AGK: variants seen among roughly 807,000 people sequenced by gnomAD.
The protein encoded by AGK is acylglycerol kinase, mitochondrial.
Under a neutral mutation model 66.4 loss-of-function variants are expected in AGK, and 52 were observed. That is an observed-to-expected ratio of 0.78 (90% confidence interval 0.63 to 0.99). The LOEUF (loss-of-function observed/expected upper bound fraction) is 0.99, where lower values mean the gene tolerates loss of function less well. Among genes scored for constraint, AGK ranks in the 50% least tolerant of loss-of-function variants. The pLI is 0.00. For synonymous variants in AGK, 182 were observed against 181.1 expected (o/e 1.00, Z -0.04); for missense variants, 451 against 506.6 (o/e 0.89, Z 1.05).
At chr7:141,633,842 T>G (rs1478513398) in intron 9 of AGK, 59 bp from the exon 10 acceptor site, 1 of 1,419,900 alleles carries the variant, frequency 7.0e-7, no homozygotes, top group Middle Eastern at 1.8e-4. Context: ...AGTACTTAGA[T>G]GTAAAGAGTT....
At chr7:141,647,322 C>T (rs1797436184) in intron 13 of AGK, among the ~76,000 whole-genome samples, 1 of 152,200 alleles carries the variant, frequency 6.6e-6, no homozygotes, top group South Asian at 2.1e-4. Flanking sequence ...AGCCTAAAAG[C>T]CAGCTTCCTC....
chr7:141,560,395 GT>G, intron 2 of AGK, among the ~76,000 whole-genome samples: 1 of 151,148 alleles, frequency 6.6e-6, no homozygotes, highest in African/African-American at 2.4e-5. Context: ...AAGCTGCCTT[GT>G]CCTTTCTTTC....
intron 4 of AGK, among the ~76,000 whole-genome samples, chr7:141,597,928 A>G (rs1796263207): frequency 6.6e-6 from 1 of 150,406 alleles, no homozygotes; most frequent in African/African-American, 2.4e-5. Context: ...AAGAAAGAAG[A>G]AAGAAAATTA....
intron 9 of AGK, among the ~76,000 whole-genome samples, chr7:141,629,808 CAGGGTT>C (rs1797018567): frequency 6.6e-6 from 1 of 151,780 alleles, no homozygotes; most frequent in African/African-American, 2.4e-5. Context: ...AAAGAGAAAA[CAGGGTT>C]AGAGGATCAG....
chr7:141,558,611 G>T lies in AGK; in HGVS notation c.101+3044G>T, dbSNP rs1413234646. The stretch of plus-strand genomic sequence containing the variant: ...CTTGAGTGTACAGATACCTCTTGGA[G>T]ATCCTGTTTTTAATTATTTTGGATA... On this transcript the variant is annotated intron_variant, in intron 2 of 15. Coordinates refer to ENST00000649286, the MANE Select transcript of AGK (RefSeq NM_018238.4). 5.3e-5 allele frequency among the ~76,000 whole-genome samples: 8 copies of T among 152,260 alleles called. No homozygotes were observed. The East Asian group carries it at 1.5e-3, about 29-fold the overall frequency.
At chr7:141,624,359 C>T (rs146079966) in intron 9 of AGK, among the ~76,000 whole-genome samples, 224 of 152,214 alleles carry the variant, frequency 1.5e-3, no homozygotes, top group African/African-American at 5.3e-3. Context: ...TGGTGTGGGC[C>T]TATAGTCCCA....
intron 2 of AGK, among the ~76,000 whole-genome samples, chr7:141,559,471 A>G (rs1795288952): frequency 6.6e-6 from 1 of 152,150 alleles, no homozygotes; most frequent in Admixed American, 6.5e-5. Context: ...ATTAGTCTAT[A>G]TATCTGTATT....
In AGK at chr7:141,649,261, A is replaced by G; in HGVS notation, c.976-2A>G. The G allele has an allele frequency of 6.2e-7, 1 of 1,611,666 alleles. No homozygotes were observed. Among genetic ancestry groups the G allele is most frequent in the South Asian group, 1.1e-5 (1 of 91,000 alleles). On this transcript the variant is annotated splice_acceptor_variant, in intron 13 of 15. Transcript: ENST00000649286. LOFTEE classifies it high-confidence loss of function. ...TGACGTTAGTGTTCTTAACCTTTTT[A>G]GAGCAAAGAAGATTTTCTGAATATC...
At chr7:141,629,762 G>A (rs1797016798) in intron 9 of AGK, among the ~76,000 whole-genome samples, 1 of 151,906 alleles carries the variant, frequency 6.6e-6, no homozygotes, top group Admixed American at 6.6e-5. Flanking sequence ...TAATTCTAAT[G>A]GAATGTTCCT....
intron 4 of AGK, chr7:141,597,457 G>T (rs939014862): frequency 2.0e-5 from 3 of 152,110 alleles, no homozygotes; most frequent in Non-Finnish European, 2.9e-5. Flanking sequence ...GATGGCTTTA[G>T]AATAAATAAT....
At chr7:141,648,127 G>A (rs191858456) in intron 13 of AGK, among the ~76,000 whole-genome samples, 290 of 152,156 alleles carry the variant, frequency 1.9e-3, no homozygotes, top group African/African-American at 5.3e-3. Flanking sequence ...GCTTCTCCAC[G>A]GGACCCCCTT....
chr7:141,642,035 G>A (rs1797303977), intron 13 of AGK, 127 bp downstream of exon 13: 10 of 826,762 alleles, frequency 1.2e-5, no homozygotes, highest in Non-Finnish European at 1.9e-5. Flanking sequence ...AGTGTCAGGA[G>A]AAAGAGGATG....
At chr7:141,552,160 A>G (rs942461056) in intron 1 of AGK, among the ~76,000 whole-genome samples, 14 of 152,214 alleles carry the variant, frequency 9.2e-5, no homozygotes, top group African/African-American at 3.4e-4. Context: ...TTAGGAGCCT[A>G]CAGATTATGG....
chr7:141,609,166 A>G (rs1190443383), intron 5 of AGK, among the ~76,000 whole-genome samples: 1 of 152,166 alleles, frequency 6.6e-6, no homozygotes, highest in Non-Finnish European at 1.5e-5. Flanking sequence ...TTACTGGCTC[A>G]GATGCTGGAG....
chr7:141,584,791 T>G (rs934310296), intron 2 of AGK, among the ~76,000 whole-genome samples: 1 of 152,250 alleles, frequency 6.6e-6, no homozygotes, highest in African/African-American at 2.4e-5. Flanking sequence ...TGTTGAAATT[T>G]TAATGCAATT....
chr7:141,580,067 AAG>A (rs1795848128), intron 2 of AGK, among the ~76,000 whole-genome samples: 2 of 152,068 alleles, frequency 1.3e-5, no homozygotes, highest in Middle Eastern at 3.4e-3. Context: ...CAGACTTGAG[AAG>A]AGTTTTTATT....
Position 141,579,457 on chromosome 7 carries a change from C to T in AGK, c.102-13689C>T, listed in dbSNP as rs796483710. On this transcript the variant is annotated intron_variant, in intron 2 of 15. Coordinates refer to ENST00000649286, the MANE Select transcript of AGK (RefSeq NM_018238.4). ...TCTTACAGAAGGGAAGAAATGATCG[C>T]GGTGGCCTTCTCAGTCCCTGTGGGA... is the stretch of plus-strand genomic sequence containing the variant. Among the ~76,000 whole-genome samples the T allele has an allele frequency of 7.2e-5, 11 of 151,830 alleles. 1 individual carries two copies. The highest frequency in any genetic ancestry group is 1.9e-4 in the East Asian group (1 of 5,166).
In AGK at chr7:141,585,174, G is replaced by A. The variant is rs115546870; in HGVS notation, c.102-7972G>A. On this transcript the variant is annotated intron_variant, in intron 2 of 15. Coordinates refer to ENST00000649286, the MANE Select transcript of AGK (RefSeq NM_018238.4). ...TATCCAAATGGAGATTCTGTCGGCC[G>A]AAAAGATCAAGCATTCTTCCTTAGC... Among the ~76,000 whole-genome samples, 464 of 152,242 alleles carry A rather than the reference G, an allele frequency of 3.0e-3. 5 individuals carry two copies. Among genetic ancestry groups the A allele is most frequent in the African/African-American group, 0.01 (432 of 41,532 alleles).
At chr7:141,589,217 A>G (rs926274457) in intron 2 of AGK, among the ~76,000 whole-genome samples, 2 of 152,096 alleles carry the variant, frequency 1.3e-5, no homozygotes, top group Non-Finnish European at 2.9e-5. Flanking sequence ...TTGGCTTCCT[A>G]ATATGTAAAA....
Sources: gnomAD v4.1 joint callset for allele counts (sites outside exome capture counted in the v4.1 genomes callset) on GRCh38, gnomAD v4.1.1 for gene constraint, MANE v1.5 for transcripts, NCBI Gene and HGNC (gene_info 2026-07-23, HGNC 2026-07-21) for gene names.